Variants in TNKS observed in about 807,000 individuals in gnomAD.
TNKS encodes tankyrase, also known as poly [ADP-ribose] polymerase tankyrase-1.
TNKS carries 72 observed loss-of-function variants against 135.8 expected under a neutral mutation model. That is an observed-to-expected ratio of 0.53 (90% CI 0.44 to 0.64). The LOEUF (loss-of-function observed/expected upper bound fraction) is 0.64, where lower values mean the gene tolerates loss of function less well. Ranked by LOEUF, TNKS falls within the 30% of genes least tolerant of loss-of-function variation. TNKS has a pLI of 0.00. For synonymous variants in TNKS, 849 were observed against 649.3 expected, an observed-to-expected ratio of 1.31 and a Z score of -4.68; for missense variants, 1,769 against 1,674.0, an observed-to-expected ratio of 1.06 and a Z score of -0.99.
chr8:9,725,308 C>T (rs1358744702), intron 12 of TNKS, among the ~76,000 whole-genome samples: 1 of 152,202 alleles, frequency 6.6e-6, no homozygotes, highest in Non-Finnish European at 1.5e-5. Context: ...TGGTTCCTTT[C>T]CTCAACATTT....
In TNKS at chr8:9,584,971, A is replaced by G. The variant is rs28709017; in HGVS notation, c.898+4588A>G. On this transcript the variant is annotated intron_variant, in intron 2 of 26. Coordinates refer to ENST00000310430, the MANE Select transcript of TNKS (RefSeq NM_003747.3). ...GACATGAAGCCCAGCAAACCAAGTG[A>G]AAAATAACAGCCCATCTCAGCCAGA... 9.1e-3 allele frequency among the ~76,000 whole-genome samples: 1,390 copies of G among 152,308 alleles called. 16 individuals carry two copies. The highest frequency in any genetic ancestry group is 0.032 in the African/African-American group (1,343 of 41,546).
At chr8:9,735,530 G>A (rs1408043511) in intron 17 of TNKS, 44 bp downstream of exon 17, 2 of 1,505,314 alleles carry the variant, frequency 1.3e-6, no homozygotes, top group African/African-American at 1.4e-5. Context: ...ACCGCACGCG[G>A]TGGCTCACGC....
At chr8:9,768,452 G>T (rs949590545) in intron 25 of TNKS, among the ~76,000 whole-genome samples, 1 of 152,212 alleles carries the variant, frequency 6.6e-6, no homozygotes, top group South Asian at 2.1e-4. Context: ...TCTTGCATTT[G>T]TCAAAATTTG....
chr8:9,624,138 C>A (rs542895452), intron 3 of TNKS, among the ~76,000 whole-genome samples: 1 of 152,252 alleles, frequency 6.6e-6, no homozygotes, highest in African/African-American at 2.4e-5. Context: ...AGGCTTACAT[C>A]ATTAAAAAAA....
chr8:9,580,520 G>T, intron 2 of TNKS, 137 bp downstream of exon 2: 3 of 756,602 alleles, frequency 4.0e-6, no homozygotes, highest in Non-Finnish European at 6.2e-6. Flanking sequence ...TCCATCAAAA[G>T]GTAAACAGAG....
At chr8:9,586,737 G>T (rs1366517496) in intron 2 of TNKS, among the ~76,000 whole-genome samples, 1 of 135,870 alleles carries the variant, frequency 7.4e-6, no homozygotes, top group African/African-American at 2.7e-5. Flanking sequence ...GTGTGTGTGT[G>T]TGTGTGTGTG....
At chr8:9,674,285 A>G (rs1312812463) in intron 3 of TNKS, among the ~76,000 whole-genome samples, 1 of 152,208 alleles carries the variant, frequency 6.6e-6, no homozygotes, top group Non-Finnish European at 1.5e-5. Flanking sequence ...TGGTTTACCC[A>G]AGGTCACACA....
Position 9,765,804 on chromosome 8 carries a change from A to T in TNKS, c.3553+7A>T. On this transcript the variant is annotated splice_region_variant and intron_variant, in intron 24 of 26. Coordinates refer to ENST00000310430, the MANE Select transcript of TNKS (RefSeq NM_003747.3). The stretch of plus-strand genomic sequence containing the variant: ...GAGCGCATGTTGTTTCATGGTAAGC[A>T]GCGTGGCAGGGACGGTGGACGTCTC... 6.2e-7 allele frequency: 1 copy of T among 1,612,674 alleles called. No individual in the cohort carries two copies.
chr8:9,586,347 GT>G (rs1472048273), intron 2 of TNKS, among the ~76,000 whole-genome samples: 10 of 152,124 alleles, frequency 6.6e-5, no homozygotes, highest in Non-Finnish European at 1.3e-4. Flanking sequence ...AAAGCAATTT[GT>G]TGTAATTCCC....
At chr8:9,692,473 C>A (rs1436582492) in intron 5 of TNKS, among the ~76,000 whole-genome samples, 1 of 152,170 alleles carries the variant, frequency 6.6e-6, no homozygotes, top group African/African-American at 2.4e-5. Flanking sequence ...TGTTAAACAG[C>A]CTTAGGTTTT....
At chr8:9,732,862 G>A (rs1299892044) in intron 14 of TNKS, among the ~76,000 whole-genome samples, 1 of 151,994 alleles carries the variant, frequency 6.6e-6, no homozygotes, top group Non-Finnish European at 1.5e-5. Context: ...ACCTGTGCAT[G>A]GAAATCACCA....
At chr8:9,696,678 C>G (rs997927680) in intron 5 of TNKS, among the ~76,000 whole-genome samples, 4 of 152,108 alleles carry the variant, frequency 2.6e-5, no homozygotes, top group African/African-American at 9.7e-5. Context: ...AGAGTCAAAT[C>G]AAGATCTCAA....
At chr8:9,770,698 G>C (rs1298932515) in intron 26 of TNKS, among the ~76,000 whole-genome samples, 1 of 152,188 alleles carries the variant, frequency 6.6e-6, no homozygotes, top group Non-Finnish European at 1.5e-5. Context: ...TACAATAAAA[G>C]AGAAAAATAA....
At chr8:9,599,237 A>G (rs1017374348) in intron 2 of TNKS, among the ~76,000 whole-genome samples, 7 of 152,198 alleles carry the variant, frequency 4.6e-5, no homozygotes, top group Admixed American at 2.0e-4. Flanking sequence ...CTTTATTTCA[A>G]TCCAGCAGAT....
rs1056405437 is a variant in TNKS at position 9,777,489 on chromosome 8, A to G, written c.*753A>G. ...CTGACTTAGGAACGCCTAAATTCAGAGAAGTCAAAGCCGGTGAAGGCCACT... is the reference window on the plus strand; with the variant it reads ...CTGACTTAGGAACGCCTAAATTCAGGGAAGTCAAAGCCGGTGAAGGCCACT... On this transcript the variant is annotated 3_prime_UTR_variant, in exon 27 of 27. Transcript: ENST00000310430. The G allele has an allele frequency of 6.6e-6, 1 of 152,294 alleles. No homozygotes were observed. The highest frequency in any genetic ancestry group is 1.5e-5 in the Non-Finnish European group (1 of 68,108). 9.4% of individuals were successfully genotyped at this position (152,294 alleles called of 1,614,324 possible).
chr8:9,560,896 A>G (rs986251380), intron 1 of TNKS, among the ~76,000 whole-genome samples: 46 of 152,152 alleles, frequency 3.0e-4, no homozygotes, highest in African/African-American at 1.1e-3. Flanking sequence ...AGTTAGAAAG[A>G]TGTGCAAAGT....
At chr8:9,650,650 T>G (rs75476147) in intron 3 of TNKS, among the ~76,000 whole-genome samples, 116 of 152,296 alleles carry the variant, frequency 7.6e-4, no homozygotes, top group African/African-American at 2.6e-3. Flanking sequence ...TTGCCCACTT[T>G]TTGATGGGGT....
At chr8:9,604,758 G>C (rs1395238543) in intron 2 of TNKS, among the ~76,000 whole-genome samples, 1 of 151,572 alleles carries the variant, frequency 6.6e-6, no homozygotes, top group Non-Finnish European at 1.5e-5. Context: ...ATATGTATGT[G>C]TGTATGTATA....
chr8:9,758,710 C>T (rs1806981597), intron 20 of TNKS, among the ~76,000 whole-genome samples: 1 of 152,192 alleles, frequency 6.6e-6, no homozygotes, highest in Admixed American at 6.5e-5. Context: ...CAAGCTCTCT[C>T]ACAGTGTTGG....
Sources: allele counts gnomAD v4.1 joint callset (sites outside exome capture counted in the v4.1 genomes callset), GRCh38; gene constraint gnomAD v4.1.1; transcripts MANE v1.5; gene names NCBI Gene and HGNC (gene_info 2026-07-23, HGNC 2026-07-21).